ATCAY: variants seen among roughly 807,000 people sequenced by gnomAD.
ATCAY encodes the protein ATCAY kinesin light chain interacting caytaxin, also known as caytaxin.
Under a neutral mutation model 47.7 loss-of-function variants are expected in ATCAY, and 22 were observed. That is an observed-to-expected ratio of 0.46 (90% CI 0.33 to 0.66). The LOEUF is 0.66. ATCAY is among the 30% of genes least tolerant of loss of function. ATCAY has a pLI of 0.02. For missense variants in ATCAY, 452 were observed against 515.0 expected, an observed-to-expected ratio of 0.88 and a Z score of 1.18; for synonymous variants, 216 against 207.6, an observed-to-expected ratio of 1.04 and a Z score of -0.35.
At chr19:3,896,412 C>A (rs2038770696) in intron 2 of ATCAY, among the ~76,000 whole-genome samples, 1 of 151,804 alleles carries the variant, frequency 6.6e-6, no homozygotes, top group African/African-American at 2.4e-5. Context: ...AGATTACAGG[C>A]ACGTGCCACC....
chr19:3,892,777 G>A (rs569306426), intron 2 of ATCAY, among the ~76,000 whole-genome samples: 92 of 151,936 alleles, frequency 6.1e-4, no homozygotes, highest in African/African-American at 1.5e-3. Context: ...GTGTGGTGGC[G>A]GGCACCTGTA....
At chr19:3,896,775 G>GTTGTTTGT (rs150501851) in intron 2 of ATCAY, among the ~76,000 whole-genome samples, 1,781 of 151,932 alleles carry the variant, frequency 0.012, 39 homozygotes, top group African/African-American at 0.041. Flanking sequence ...TGGGCAAGTG[G>GTTGTTTGT]TTGTTTGTTT....
rs367736161 is a variant in ATCAY, at chr19:3,908,278, C to T, written c.555C>T (p.Gly185=). The change falls in exon 6 of 13, where the codon GGC becomes GGT. Residue 185 remains glycine (G), a synonymous_variant. Transcript: ENST00000450849. ...MKVVTHGGYY[G]EGLNAIIVFA... is the part of the protein sequence containing the mutation. ...GCTGCCTCTCCTCAGGGTACTACGG[C>T]GAAGGCCTCAACGCCATCATCGTCT... is the stretch of plus-strand genomic sequence containing the variant. 3.2e-5 allele frequency: 50 copies of T among 1,576,706 alleles called. 1 individual carries two copies. In the African/African-American group the frequency reaches 5.4e-4, roughly 17 times the overall value.
intron 1 of ATCAY, among the ~76,000 whole-genome samples, chr19:3,881,863 A>AACC (rs2038602858): frequency 1.0e-5 from 1 of 100,484 alleles, no homozygotes; most frequent in Non-Finnish European, 1.8e-5. Flanking sequence ...GGCTGCTGCC[A>AACC]CCGCCCCCCC....
intron 3 of ATCAY, among the ~76,000 whole-genome samples, chr19:3,904,470 TGCCTGCG>T (rs2145242319): frequency 6.6e-6 from 1 of 152,366 alleles, no homozygotes; most frequent in Non-Finnish European, 1.5e-5. Context: ...GAGACAATTC[TGCCTGCG>T]GACGGTTTTG....
chr19:3,917,351 G>A (rs539426013), intron 9 of ATCAY, among the ~76,000 whole-genome samples: 53 of 151,942 alleles, frequency 3.5e-4, no homozygotes, highest in African/African-American at 1.2e-3. Flanking sequence ...TTGGGAGGCC[G>A]AGGTGGGTGG....
chr19:3,900,088 CATTGATCAATAACAAT>C (rs2038803309), intron 2 of ATCAY, among the ~76,000 whole-genome samples: 2 of 152,000 alleles, frequency 1.3e-5, no homozygotes, highest in African/African-American at 4.8e-5. Context: ...TGATAATCAA[CATTGATCAATAACAAT>C]ATTGATCAAT....
intron 2 of ATCAY, among the ~76,000 whole-genome samples, chr19:3,887,832 C>A (rs953128659): frequency 6.7e-6 from 1 of 148,306 alleles, no homozygotes; most frequent in Non-Finnish European, 1.5e-5. Flanking sequence ...AAAGGCCGGT[C>A]GCTGTGGCTC....
In ATCAY at chr19:3,886,448, G is replaced by A. The variant is rs150629485; in HGVS notation, c.77+604G>A. Among the ~76,000 whole-genome samples the A allele has an allele frequency of 4.0e-3, 605 of 152,068 alleles. 6 individuals carry two copies. Among genetic ancestry groups the A allele is most frequent in the African/African-American group, 9.2e-3 (384 of 41,532 alleles). On this transcript the variant is annotated intron_variant, in intron 2 of 12. Coordinates refer to ENST00000450849, the MANE Select transcript of ATCAY (RefSeq NM_033064.5). ...TCTACTAAAAATACAAAAATTAGCC[G>A]GGTGTGTGGCAGGCGCCTGTAGTCC... is the stretch of plus-strand genomic sequence containing the variant.
rs574707689 is a variant in ATCAY, at chr19:3,915,774, C to T, written c.965+1918C>T. ...TAACTCTTGTTGCCCAGGCTGGTCT[C>T]GAACTCCCGACCTCAGGTGATCCGC... is the stretch of plus-strand genomic sequence containing the variant. On this transcript the variant is annotated intron_variant, in intron 9 of 12. Transcript: ENST00000450849. Among the ~76,000 whole-genome samples, 8 of 143,320 alleles carry T rather than the reference C, an allele frequency of 5.6e-5. No homozygotes were observed. In the East Asian group the frequency reaches 1.0e-3, roughly 19 times the overall value. The allele number at this position is 143,320 out of a possible 152,430, so 94.0% of individuals were successfully genotyped here. A position where few individuals can be genotyped will look rare whatever the true frequency, so the allele number is the denominator to read the frequency against.
At chr19:3,923,672 T>C in intron 12 of ATCAY, among the ~76,000 whole-genome samples, 1 of 144,796 alleles carries the variant, frequency 6.9e-6, no homozygotes, top group East Asian at 2.1e-4. Flanking sequence ...TGGGTAGGCA[T>C]ATGGATGGGT....
intron 8 of ATCAY, among the ~76,000 whole-genome samples, chr19:3,912,211 A>T (rs10420048): frequency 6.6e-6 from 1 of 151,844 alleles, no homozygotes; most frequent in Admixed American, 6.6e-5. Context: ...CATGGCTCAC[A>T]CCTGTAATCC....
intron 2 of ATCAY, among the ~76,000 whole-genome samples, chr19:3,893,120 C>T (rs2038732894): frequency 6.6e-6 from 1 of 151,858 alleles, no homozygotes; most frequent in Non-Finnish European, 1.5e-5. Flanking sequence ...TCCAACCCAC[C>T]TCAGCAGGAC....
intron 4 of ATCAY, 34 bp downstream of exon 4, chr19:3,905,689 G>GGGGGCCCCCC: frequency 6.4e-7 from 1 of 1,556,712 alleles, no homozygotes; most frequent in Non-Finnish European, 8.8e-7. Context: ...GCCTGCTGGA[G>GGGGGCCCCCC]CCCACCCCCC....
intron 2 of ATCAY, among the ~76,000 whole-genome samples, chr19:3,893,171 CTTTTT>C (rs34910855): frequency 3.6e-5 from 4 of 111,874 alleles, no homozygotes; most frequent in Non-Finnish European, 3.7e-5. Flanking sequence ...GGGACCCCCA[CTTTTT>C]TTTTTTTTTT....
At chr19:3,897,706 G>C (rs1395864320) in intron 2 of ATCAY, among the ~76,000 whole-genome samples, 4 of 151,966 alleles carry the variant, frequency 2.6e-5, no homozygotes, top group African/African-American at 4.8e-5. Flanking sequence ...TCAGGAGTTC[G>C]AGACCAGCCT....
At chr19:3,885,967 C>G (rs2038648591) in intron 2 of ATCAY, 123 bp downstream of exon 2, 12 of 893,452 alleles carry the variant, frequency 1.3e-5, no homozygotes, top group Non-Finnish European at 1.8e-5. Context: ...GGTTCCATCT[C>G]CGCGTCCTCC....
chr19:3,891,350 C>A (rs1010008938), intron 2 of ATCAY, among the ~76,000 whole-genome samples: 1 of 152,088 alleles, frequency 6.6e-6, no homozygotes, highest in African/African-American at 2.4e-5. Context: ...CGCGCCCGGC[C>A]TCCTTCTAGC....
At position 3,891,635 on chromosome 19, in the gene ATCAY, C is replaced by G. The variant is rs11668798; in HGVS notation, c.77+5791C>G. ...AAGTGGGGTGTAGGGGCCCCACATTCCAAGCAGAGAGGGCAGCATGTGCAA... is the reference window on the plus strand; with the variant it reads ...AAGTGGGGTGTAGGGGCCCCACATTGCAAGCAGAGAGGGCAGCATGTGCAA... On this transcript the variant is annotated intron_variant, in intron 2 of 12. Coordinates refer to ENST00000450849, the MANE Select transcript of ATCAY (RefSeq NM_033064.5). Among the ~76,000 whole-genome samples the G allele has an allele frequency of 8.5e-3, 1,288 of 151,256 alleles. 19 individuals carry two copies. Among genetic ancestry groups the G allele is most frequent in the African/African-American group, 0.029 (1,212 of 41,230 alleles).
Sources: gnomAD v4.1 joint callset for allele counts (sites outside exome capture counted in the v4.1 genomes callset) on GRCh38, gnomAD v4.1.1 for gene constraint, MANE v1.5 for transcripts, NCBI Gene and HGNC (gene_info 2026-07-23, HGNC 2026-07-21) for gene names.